SGMS1: variants seen among roughly 807,000 people sequenced by gnomAD.
SGMS1 encodes the protein sphingomyelin synthase 1.
A neutral mutation model predicts 46.2 loss-of-function variants in SGMS1; 13 were observed. The ratio of observed to expected loss-of-function variants is 0.28; its 90% CI spans 0.18 to 0.45. The LOEUF (loss-of-function observed/expected upper bound fraction) is 0.45, where lower values mean the gene tolerates loss of function less well. Ranked by LOEUF, SGMS1 falls within the 20% of genes least tolerant of loss-of-function variation. The pLI is 1.00. For synonymous variants in SGMS1, 203 were observed against 187.8 expected (o/e 1.08, Z -0.66); for missense variants, 324 against 519.9 (o/e 0.62, Z 3.66).
intron 1 of SGMS1, among the ~76,000 whole-genome samples, chr10:50,599,475 T>A (rs1473743917): frequency 2.0e-5 from 3 of 151,888 alleles, no homozygotes; most frequent in African/African-American, 7.3e-5. Flanking sequence ...GGGAGCCTTT[T>A]TTTTTACTTG....
chr10:50,356,747 G>T (rs913022585), intron 6 of SGMS1, among the ~76,000 whole-genome samples: 1 of 151,938 alleles, frequency 6.6e-6, no homozygotes, highest in African/African-American at 2.4e-5. Flanking sequence ...AATAAAAAAT[G>T]ATGAGTTCAT....
chr10:50,528,275 AAGAGC>A (rs1837922298), intron 2 of SGMS1, among the ~76,000 whole-genome samples: 1 of 152,226 alleles, frequency 6.6e-6, no homozygotes, highest in Non-Finnish European at 1.5e-5. Context: ...CTTATGAGGT[AAGAGC>A]AGCTGTGTAT....
chr10:50,417,849 C>T (rs1849196038), intron 6 of SGMS1, among the ~76,000 whole-genome samples: 1 of 152,204 alleles, frequency 6.6e-6, no homozygotes, highest in Non-Finnish European at 1.5e-5. Flanking sequence ...ACTGATCCTA[C>T]CCATATCCTG....
chr10:50,578,149 T>C (rs1838401468), intron 2 of SGMS1, among the ~76,000 whole-genome samples: 1 of 152,234 alleles, frequency 6.6e-6, no homozygotes, highest in Non-Finnish European at 1.5e-5. Context: ...AGACCTGCTA[T>C]CAGAAAGGCT....
intron 1 of SGMS1, among the ~76,000 whole-genome samples, chr10:50,595,311 G>A (rs1016086331): frequency 6.6e-6 from 1 of 152,120 alleles, no homozygotes; most frequent in Admixed American, 6.5e-5. Flanking sequence ...GAGTTGCTGG[G>A]ACTACAGGCG....
intron 8 of SGMS1, among the ~76,000 whole-genome samples, chr10:50,313,226 G>A (rs912006759): frequency 1.5e-4 from 23 of 152,134 alleles, no homozygotes; most frequent in Non-Finnish European, 7.4e-5. Context: ...AGATGGGGTC[G>A]GAGGGTAGGG....
At chr10:50,558,879 T>C (rs529580852) in intron 2 of SGMS1, among the ~76,000 whole-genome samples, 99 of 152,148 alleles carry the variant, frequency 6.5e-4, no homozygotes, top group Non-Finnish European at 1.2e-3. Flanking sequence ...ATATACAAAA[T>C]ATGTCTTAAT....
intron 2 of SGMS1, among the ~76,000 whole-genome samples, chr10:50,562,645 A>G (rs376688050): frequency 6.0e-4 from 91 of 152,042 alleles, no homozygotes; most frequent in South Asian, 3.9e-3. Flanking sequence ...CCGGGTTCAC[A>G]CCATTCTCCT....
At chr10:50,590,524 G>C (rs369720164) in intron 1 of SGMS1, 16 of 152,162 alleles carry the variant, frequency 1.1e-4, no homozygotes, top group Admixed American at 8.5e-4. Context: ...ATTGAAGTAT[G>C]ATTGACAAAT....
chr10:50,532,240 T>C (rs978804971), intron 2 of SGMS1, among the ~76,000 whole-genome samples: 1 of 135,908 alleles, frequency 7.4e-6, no homozygotes, highest in Admixed American at 7.0e-5. Flanking sequence ...TGTGTGTGTG[T>C]GTGTGTGTGT....
At chr10:50,329,352 GAA>G (rs1333842213) in intron 7 of SGMS1, among the ~76,000 whole-genome samples, 1 of 152,200 alleles carries the variant, frequency 6.6e-6, no homozygotes, top group Admixed American at 6.5e-5. Context: ...GACTTAAAGT[GAA>G]AGAGTCAAAT....
intron 2 of SGMS1, among the ~76,000 whole-genome samples, chr10:50,562,821 A>G (rs112533595): frequency 4.0e-4 from 61 of 152,142 alleles, no homozygotes; most frequent in African/African-American, 1.2e-3. Flanking sequence ...TGGGTTTACA[A>G]GCGTGAGCCA....
chr10:50,410,435 G>A (rs1252073491), intron 6 of SGMS1, among the ~76,000 whole-genome samples: 3 of 152,136 alleles, frequency 2.0e-5, no homozygotes, highest in African/African-American at 7.2e-5. Context: ...CACACTTGTG[G>A]TGACATTAAA....
At chr10:50,501,788 C>A (rs979786252) in intron 3 of SGMS1, among the ~76,000 whole-genome samples, 8 of 152,088 alleles carry the variant, frequency 5.3e-5, no homozygotes, top group Non-Finnish European at 1.2e-4. Flanking sequence ...AGAGGTTAGA[C>A]AATGTGGTAA....
chr10:50,541,963 A>C (rs537095848), intron 2 of SGMS1, among the ~76,000 whole-genome samples: 1 of 152,324 alleles, frequency 6.6e-6, no homozygotes, highest in Non-Finnish European at 1.5e-5. Context: ...TTAATGGAAT[A>C]GATGAGTATG....
At chr10:50,467,895 C>G (rs1385155290) in intron 3 of SGMS1, among the ~76,000 whole-genome samples, 1 of 152,148 alleles carries the variant, frequency 6.6e-6, no homozygotes, top group South Asian at 2.1e-4. Flanking sequence ...TCTGCCAGTT[C>G]TCCAGAGACC....
chr10:50,499,333 G>A (rs1056061685), intron 3 of SGMS1, among the ~76,000 whole-genome samples: 4 of 152,116 alleles, frequency 2.6e-5, no homozygotes, highest in Non-Finnish European at 5.9e-5. Flanking sequence ...TTACGAAATT[G>A]TACAAAGCAC....
intron 9 of SGMS1, among the ~76,000 whole-genome samples, chr10:50,310,915 C>A (rs2133273904): frequency 6.6e-6 from 1 of 152,312 alleles, no homozygotes; most frequent in African/African-American, 2.4e-5. Flanking sequence ...TACCATCACC[C>A]AATCAGGCTT....
intron 6 of SGMS1, among the ~76,000 whole-genome samples, chr10:50,365,234 C>T (rs1191515435): frequency 8.0e-5 from 6 of 74,708 alleles, no homozygotes; most frequent in Admixed American, 2.2e-4. Context: ...GCCTGGGCGA[C>T]GGAGTGAGAC....
Sources: gnomAD v4.1 joint callset for allele counts (sites outside exome capture counted in the v4.1 genomes callset) on GRCh38, gnomAD v4.1.1 for gene constraint, MANE v1.5 for transcripts, NCBI Gene and HGNC (gene_info 2026-07-23, HGNC 2026-07-21) for gene names.